EIF4G3: variants seen among roughly 807,000 people sequenced by gnomAD.
EIF4G3 encodes eukaryotic translation initiation factor 4 gamma 3.
In EIF4G3, 34 loss-of-function variants were observed where a neutral mutation model predicts 186.4. The ratio of observed to expected loss-of-function variants is 0.18; its 90% CI spans 0.14 to 0.24. The LOEUF (loss-of-function observed/expected upper bound fraction) is 0.24, where lower values mean the gene tolerates loss of function less well. Among genes scored for constraint, EIF4G3 ranks in the 10% least tolerant of loss-of-function variants. The pLI is 1.00. For missense variants in EIF4G3, 1,536 were observed against 1,948.5 expected (o/e 0.79, Z 3.99); for synonymous variants, 673 against 679.5 (o/e 0.99, Z 0.15).
chr1:20,918,631 T>C (rs985339316), intron 14 of EIF4G3, among the ~76,000 whole-genome samples: 2 of 152,064 alleles, frequency 1.3e-5, no homozygotes, highest in African/African-American at 4.8e-5. Flanking sequence ...ATGCAACATT[T>C]CTTTTGAAAA....
At chr1:20,857,574 T>C (rs148691834) in intron 24 of EIF4G3, 77 bp from the exon 25 acceptor site, 2 of 1,176,424 alleles carry the variant, frequency 1.7e-6, no homozygotes, top group East Asian at 2.3e-5. Flanking sequence ...AATATTTTCA[T>C]CAAAACCAAG....
chr1:20,945,130 T>C (rs1349596099), intron 13 of EIF4G3, among the ~76,000 whole-genome samples: 1 of 151,604 alleles, frequency 6.6e-6, no homozygotes. Flanking sequence ...AAAAACACAG[T>C]AGAGCTAAAT....
At chr1:21,021,776 G>A (rs1029045717) in intron 4 of EIF4G3, among the ~76,000 whole-genome samples, 1 of 151,820 alleles carries the variant, frequency 6.6e-6, no homozygotes, top group Non-Finnish European at 1.5e-5. Flanking sequence ...GGCTGGTCTC[G>A]AACTCCTGAA....
At chr1:20,893,092 TC>T in intron 18 of EIF4G3, 2 of 203,770 alleles carry the variant, frequency 9.8e-6, no homozygotes, top group South Asian at 1.2e-4. Flanking sequence ...TTTTTTCTTT[TC>T]TTTTTTTTTT....
At chr1:20,915,164 A>C (rs1272071592) in intron 14 of EIF4G3, among the ~76,000 whole-genome samples, 1 of 152,152 alleles carries the variant, frequency 6.6e-6, no homozygotes, top group Non-Finnish European at 1.5e-5. Context: ...TATTGTTTTC[A>C]TGGTGTCACT....
chr1:20,976,332 C>T (rs1182514287), intron 10 of EIF4G3, among the ~76,000 whole-genome samples: 2 of 151,026 alleles, frequency 1.3e-5, no homozygotes, highest in Non-Finnish European at 3.0e-5. Context: ...CCCCTTCCCC[C>T]CACCCCACAA....
At chr1:21,089,000 T>C in intron 3 of EIF4G3, 138 bp downstream of exon 3, 1 of 612,476 alleles carries the variant, frequency 1.6e-6, no homozygotes. Context: ...GGAAAGGGCC[T>C]ATCATTCTAT....
At chr1:20,845,274 T>C (rs555926081) in intron 29 of EIF4G3, among the ~76,000 whole-genome samples, 17 of 152,322 alleles carry the variant, frequency 1.1e-4, no homozygotes, top group Admixed American at 5.2e-4. Flanking sequence ...TGTAGGTGTG[T>C]AGTCTTATTT....
At chr1:20,875,519 C>T (rs2080500725) in intron 20 of EIF4G3, among the ~76,000 whole-genome samples, 1 of 152,212 alleles carries the variant, frequency 6.6e-6, no homozygotes, top group African/African-American at 2.4e-5. Flanking sequence ...GCATTTACAT[C>T]ATTAAATTTG....
intron 34 of EIF4G3, 84 bp from the exon 35 acceptor site, chr1:20,813,323 G>A: frequency 1.0e-6 from 1 of 956,238 alleles, no homozygotes; most frequent in East Asian, 2.6e-5. Context: ...CAACACTTTG[G>A]GAGGCCGAGA....
At chr1:20,836,685 AG>A (rs1222272940) in intron 30 of EIF4G3, among the ~76,000 whole-genome samples, 1 of 152,254 alleles carries the variant, frequency 6.6e-6, no homozygotes, top group Non-Finnish European at 1.5e-5. Context: ...ATCTTCCTCT[AG>A]GGTACATATT....
At chr1:20,904,544 T>C (rs2091482460) in intron 15 of EIF4G3, among the ~76,000 whole-genome samples, 1 of 152,082 alleles carries the variant, frequency 6.6e-6, no homozygotes, top group African/African-American at 2.4e-5. Context: ...AGTCAGGGTC[T>C]CCTTATGTTG....
intron 3 of EIF4G3, among the ~76,000 whole-genome samples, chr1:21,082,085 C>T (rs956404005): frequency 3.3e-5 from 5 of 151,052 alleles, no homozygotes; most frequent in African/African-American, 9.8e-5. Context: ...TGTGAGCCAC[C>T]GTGCCTGGCC....
chr1:20,993,922 G>A (rs1044116059), intron 7 of EIF4G3, among the ~76,000 whole-genome samples: 1 of 152,102 alleles, frequency 6.6e-6, no homozygotes, highest in African/African-American at 2.4e-5. Flanking sequence ...TCTGTATTAT[G>A]AGCAACTCCT....
At chr1:21,093,181 A>C (rs1489943279) in intron 2 of EIF4G3, among the ~76,000 whole-genome samples, 2 of 152,232 alleles carry the variant, frequency 1.3e-5, no homozygotes, top group African/African-American at 4.8e-5. Context: ...GAATGGAAGA[A>C]AAATTTTGCA....
At chr1:20,914,442 G>A (rs1257400978) in intron 14 of EIF4G3, among the ~76,000 whole-genome samples, 4 of 152,064 alleles carry the variant, frequency 2.6e-5, no homozygotes, top group African/African-American at 9.7e-5. Flanking sequence ...AGGGGACACA[G>A]CCAAAGAATG....
In EIF4G3 at chr1:20,851,263, T is replaced by TCCC. The variant is rs778717499; in HGVS notation, c.3764_3766dup (p.Arg1255_Glu1256insGly). ...GTTTAAGCCAAGTCTCTCACCTGACTCCCTTGTTTTATTTCGCTCAGCCTC... is the reference window on the plus strand; with the variant it reads ...GTTTAAGCCAAGTCTCTCACCTGACTCCCCCCTTGTTTTATTTCGCTCAGCCTC... On this transcript the variant is annotated inframe_insertion, in exon 28 of 37. Transcript: ENST00000602326. 1.9e-6 allele frequency: 3 copies of TCCC among 1,614,102 alleles called. No individual in the cohort carries two copies. The South Asian group carries it at 3.3e-5, about 18-fold the overall frequency.
At chr1:20,960,012 C>G (rs1004253700) in intron 12 of EIF4G3, among the ~76,000 whole-genome samples, 2 of 152,070 alleles carry the variant, frequency 1.3e-5, no homozygotes, top group Non-Finnish European at 2.9e-5. Flanking sequence ...AGTAGATCTA[C>G]CATTTGATCC....
At chr1:20,817,929 G>A (rs2154545481) in intron 33 of EIF4G3, among the ~76,000 whole-genome samples, 1 of 151,934 alleles carries the variant, frequency 6.6e-6, no homozygotes, top group Admixed American at 6.6e-5. Flanking sequence ...GCCCTCCTTG[G>A]CCTCCCAAAG....
Sources: allele counts gnomAD v4.1 joint callset (sites outside exome capture counted in the v4.1 genomes callset), GRCh38; gene constraint gnomAD v4.1.1; transcripts MANE v1.5; gene names NCBI Gene and HGNC (gene_info 2026-07-23, HGNC 2026-07-21).